CLDN14: variants seen among roughly 807,000 people sequenced by gnomAD.
CLDN14 encodes the protein claudin 14.
A neutral mutation model predicts 2.1 loss-of-function variants in CLDN14; 2 were observed. The observed-to-expected ratio is 0.96, with a 90% CI of 0.39 to 3.01. CLDN14 has a LOEUF of 3.01. CLDN14 is among the 30% of genes most tolerant of loss of function. CLDN14 has a pLI of 0.09. For missense variants in CLDN14, 298 were observed against 328.0 expected, an observed-to-expected ratio of 0.91 and a Z score of 0.71; for synonymous variants, 136 against 154.4, an observed-to-expected ratio of 0.88 and a Z score of 0.88.
intron 2 of CLDN14, among the ~76,000 whole-genome samples, chr21:36,491,393 A>G (rs996301904): frequency 3.3e-5 from 5 of 152,242 alleles, no homozygotes; most frequent in African/African-American, 1.2e-4. Context: ...CAAAGCTTTC[A>G]AAAGCGAAAC....
chr21:36,563,210 G>T (rs1339646053), intron 1 of CLDN14, among the ~76,000 whole-genome samples: 1 of 152,200 alleles, frequency 6.6e-6, no homozygotes, highest in Admixed American at 6.5e-5. Flanking sequence ...ATCACGGAGG[G>T]CTTTGAAGGG....
rs140584336 is a variant in CLDN14 at position 36,521,234 on chromosome 21, C to T, written c.-219-10734G>A. 8.1e-3 allele frequency among the ~76,000 whole-genome samples: 1,227 copies of T among 152,236 alleles called. 6 individuals are homozygous for T. The highest frequency in any genetic ancestry group is 0.051 in the Middle Eastern group (15 of 294). On this transcript the variant is annotated intron_variant, in intron 1 of 2. Coordinates refer to the CLDN14 transcript ENST00000342108. ...TTTCCAACCAGCTCCTGGCAGGGTC[C>T]GAGGGTCCCGTCAAAGTGGCCAGTG...
chr21:36,562,678 A>T (rs569162155), intron 1 of CLDN14, among the ~76,000 whole-genome samples: 32 of 138,074 alleles, frequency 2.3e-4, no homozygotes, highest in Non-Finnish European at 3.5e-4. Context: ...TATTCAAAGG[A>T]TCCCCTATCC....
chr21:36,494,033 C>T (rs1456642157), intron 2 of CLDN14, among the ~76,000 whole-genome samples: 1 of 152,184 alleles, frequency 6.6e-6, no homozygotes, highest in African/African-American at 2.4e-5. Flanking sequence ...CACATGAGAG[C>T]CCCCAAGAGC....
intron 1 of CLDN14, among the ~76,000 whole-genome samples, chr21:36,543,374 C>A (rs2087505508): frequency 6.6e-6 from 1 of 152,090 alleles, no homozygotes; most frequent in African/African-American, 2.4e-5. Context: ...GAAAAAGATT[C>A]AAAGAAATAA....
At chr21:36,564,825 G>C (rs429326) in intron 1 of CLDN14, among the ~76,000 whole-genome samples, 114,074 of 152,058 alleles carry the variant, frequency 0.75, 44,241 homozygotes, top group Non-Finnish European at 0.87. Context: ...GAAAGTCAGA[G>C]CCAGTGTGAT....
intron 1 of CLDN14, among the ~76,000 whole-genome samples, chr21:36,555,813 G>A (rs2087649186): frequency 8.6e-5 from 1 of 11,662 alleles, no homozygotes; most frequent in African/African-American, 1.4e-4. Context: ...GTCAGTGTGT[G>A]TGTGTGTGTG....
chr21:36,539,661 A>G (rs1321562950), intron 1 of CLDN14, among the ~76,000 whole-genome samples: 3 of 112,530 alleles, frequency 2.7e-5, no homozygotes, highest in African/African-American at 1.0e-4. Context: ...TGTAGTGAGT[A>G]TGTGTGTAGT....
At chr21:36,486,709 G>A (rs974380370) in intron 2 of CLDN14, 3 of 1,226,942 alleles carry the variant, frequency 2.4e-6, no homozygotes, top group African/African-American at 1.5e-5. Context: ...TCTCCTTCTT[G>A]AGGAATTTAG....
Position 36,505,218 on chromosome 21 carries a change from T to G in CLDN14, c.-82+5145A>C, listed in dbSNP as rs551766994. On this transcript the variant is annotated intron_variant, in intron 2 of 2. Transcript: ENST00000342108. ...GTCTGCTAAATCTAATAAAAAGAAATCAGGATTGTATTTCATATGTCTTTG... is the reference window on the plus strand; with the variant it reads ...GTCTGCTAAATCTAATAAAAAGAAAGCAGGATTGTATTTCATATGTCTTTG... Among the ~76,000 whole-genome samples, 276 of 152,254 alleles carry G rather than the reference T, an allele frequency of 1.8e-3. 1 individual carries two copies. The highest frequency in any genetic ancestry group is 6.2e-3 in the African/African-American group (259 of 41,538).
chr21:36,515,546 G>A (rs1361890063), intron 1 of CLDN14, among the ~76,000 whole-genome samples: 5 of 151,294 alleles, frequency 3.3e-5, no homozygotes, highest in African/African-American at 9.7e-5. Flanking sequence ...GGTGGTGGGC[G>A]CCTGTAATCC....
intron 1 of CLDN14, among the ~76,000 whole-genome samples, chr21:36,512,476 A>G (rs1238402409): frequency 1.3e-5 from 2 of 152,200 alleles, no homozygotes; most frequent in Non-Finnish European, 2.9e-5. Flanking sequence ...GATGTTTATA[A>G]TTTACTTGGG....
rs111679724 is a variant in CLDN14 at position 36,542,163 on chromosome 21, C to T, written c.-219-31663G>A. Among the ~76,000 whole-genome samples, 389 of 152,300 alleles carry T rather than the reference C, an allele frequency of 2.6e-3. 1 individual carries two copies. The highest frequency in any genetic ancestry group is 9.0e-3 in the African/African-American group (375 of 41,564). On this transcript the variant is annotated intron_variant, in intron 1 of 2. Transcript: ENST00000342108. ...TATTTTTAGTAGAGACGGGGTTTCA[C>T]CATCTTGGTCAGGCTGGTCTTGAAC...
chr21:36,538,190 A>G (rs1046455674), intron 1 of CLDN14, among the ~76,000 whole-genome samples: 1 of 152,224 alleles, frequency 6.6e-6, no homozygotes, highest in African/African-American at 2.4e-5. Flanking sequence ...TCAACCAGAA[A>G]TAGATGAAAT....
chr21:36,510,665 T>C (rs16994187), intron 1 of CLDN14, among the ~76,000 whole-genome samples: 7,133 of 152,356 alleles, frequency 0.047, 560 homozygotes, highest in African/African-American at 0.16. Context: ...GTGTTTCACC[T>C]ACCTTTAATT....
chr21:36,478,539 C>T lies in CLDN14; in HGVS notation c.-82+956G>A, dbSNP rs116230478. Among the ~76,000 whole-genome samples, 524 of 152,306 alleles carry T rather than the reference C, an allele frequency of 3.4e-3. 5 individuals are homozygous for T. Among genetic ancestry groups the T allele is most frequent in the African/African-American group, 0.012 (505 of 41,564 alleles). On this transcript the variant is annotated intron_variant, in intron 1 of 1. Coordinates refer to ENST00000399135, the MANE Select transcript of CLDN14 (RefSeq NM_001146079.2). ...GTTTTATCATCCTAACAGATAAGCCCGTCCCCAACTCCAGTGAGTGACTGA... is the reference window on the plus strand; with the variant it reads ...GTTTTATCATCCTAACAGATAAGCCTGTCCCCAACTCCAGTGAGTGACTGA...
At chr21:36,517,659 G>A (rs1012355421) in intron 1 of CLDN14, among the ~76,000 whole-genome samples, 2 of 152,194 alleles carry the variant, frequency 1.3e-5, no homozygotes, top group Non-Finnish European at 2.9e-5. Context: ...ATACAGTCCT[G>A]CACAATAGAG....
chr21:36,475,864 G>A (rs555661442), intron 1 of CLDN14, among the ~76,000 whole-genome samples: 19 of 152,002 alleles, frequency 1.2e-4, no homozygotes, highest in African/African-American at 4.1e-4. Context: ...TAGTAGAGAC[G>A]GGGTTTCACT....
At chr21:36,573,922 A>G (rs1239411002) in intron 1 of CLDN14, among the ~76,000 whole-genome samples, 1 of 152,206 alleles carries the variant, frequency 6.6e-6, no homozygotes, top group Non-Finnish European at 1.5e-5. Flanking sequence ...AGAGGCCTAA[A>G]TAAATAAAGG....
Sources: allele counts gnomAD v4.1 joint callset (sites outside exome capture counted in the v4.1 genomes callset), GRCh38; gene constraint gnomAD v4.1.1; transcripts MANE v1.5; gene names NCBI Gene and HGNC (gene_info 2026-07-23, HGNC 2026-07-21).